Variants in FGF14 observed in about 807,000 individuals in gnomAD.
FGF14 encodes fibroblast growth factor 14.
In FGF14, 5 loss-of-function variants were observed where a neutral mutation model predicts 25.5. The observed-to-expected ratio is 0.20, with a 90% confidence interval of 0.10 to 0.41. The LOEUF (loss-of-function observed/expected upper bound fraction) is 0.41. Among genes scored for constraint, FGF14 ranks in the 10% least tolerant of loss-of-function variants. The pLI is 1.00. For missense variants in FGF14, 222 were observed against 320.1 expected, an observed-to-expected ratio of 0.69 and a Z score of 2.34; for synonymous variants, 138 against 118.3, an observed-to-expected ratio of 1.17 and a Z score of -1.08.
At chr13:102,357,746 A>G (rs1373722217) in intron 1 of FGF14, among the ~76,000 whole-genome samples, 3 of 152,184 alleles carry the variant, frequency 2.0e-5, no homozygotes, top group Non-Finnish European at 4.4e-5. Context: ...ACTTTTTGCT[A>G]GTGTTCTTGT....
intron 1 of FGF14, among the ~76,000 whole-genome samples, chr13:102,248,668 G>A (rs190895848): frequency 2.0e-5 from 3 of 152,252 alleles, no homozygotes; most frequent in Admixed American, 2.0e-4. Flanking sequence ...AGGAAATTGT[G>A]AGCCGTGTAT....
intron 1 of FGF14, among the ~76,000 whole-genome samples, chr13:102,188,244 A>G (rs769419960): frequency 6.6e-6 from 1 of 152,230 alleles, no homozygotes; most frequent in Non-Finnish European, 1.5e-5. Context: ...TTAAAAGACT[A>G]GAACACATGT....
At chr13:101,760,042 GGGTGACTCCAAT>G (rs2037917703) in intron 3 of FGF14, among the ~76,000 whole-genome samples, 1 of 152,068 alleles carries the variant, frequency 6.6e-6, no homozygotes, top group Non-Finnish European at 1.5e-5. Context: ...CAAAAAATAG[GGGTGACTCCAAT>G]GGTCTTTTCC....
At chr13:102,019,268 A>C (rs2040507640) in intron 1 of FGF14, among the ~76,000 whole-genome samples, 1 of 152,112 alleles carries the variant, frequency 6.6e-6, no homozygotes, top group Non-Finnish European at 1.5e-5. Flanking sequence ...CCTATCAGCC[A>C]GTAGGGTTTT....
At chr13:101,885,762 C>A (rs116095423) in intron 1 of FGF14, among the ~76,000 whole-genome samples, 5,967 of 150,602 alleles carry the variant, frequency 0.04, 404 homozygotes, top group African/African-American at 0.14. Context: ...CCTGGAGCTG[C>A]AAAGAAGGAC....
chr13:102,089,350 T>A (rs1451414616), intron 1 of FGF14, among the ~76,000 whole-genome samples: 1 of 152,134 alleles, frequency 6.6e-6, no homozygotes, highest in Non-Finnish European at 1.5e-5. Context: ...TTCAACCCAA[T>A]ATCTGATATT....
chr13:102,263,195 T>C, intron 1 of FGF14: 1 of 543,634 alleles, frequency 1.8e-6, no homozygotes, highest in South Asian at 1.6e-5. Flanking sequence ...AAAAGTCTTG[T>C]GAGAAGACAT....
intron 1 of FGF14, among the ~76,000 whole-genome samples, chr13:101,945,743 C>A (rs1424710724): frequency 6.6e-6 from 1 of 152,240 alleles, no homozygotes; most frequent in Admixed American, 6.5e-5. Context: ...TATTCCTGAC[C>A]TGCCAAAGCC....
intron 1 of FGF14, chr13:102,002,064 G>A (rs758274422): frequency 6.6e-6 from 1 of 152,168 alleles, no homozygotes; most frequent in Non-Finnish European, 1.5e-5. Context: ...TATAAAACCT[G>A]TGGATGCCAG....
intron 1 of FGF14, among the ~76,000 whole-genome samples, chr13:101,926,310 G>A (rs756864988): frequency 9.2e-5 from 14 of 152,202 alleles, no homozygotes; most frequent in African/African-American, 3.1e-4. Flanking sequence ...ATGAGAGTCC[G>A]GTTTCCTACC....
At chr13:102,370,230 T>A (rs547941299) in intron 1 of FGF14, among the ~76,000 whole-genome samples, 1 of 152,276 alleles carries the variant, frequency 6.6e-6, no homozygotes, top group African/African-American at 2.4e-5. Flanking sequence ...TGGCCTCAAG[T>A]GATCCCTGCC....
intron 1 of FGF14, among the ~76,000 whole-genome samples, chr13:102,297,012 A>AC (rs1489269290): frequency 6.6e-6 from 1 of 152,122 alleles, no homozygotes; most frequent in Non-Finnish European, 1.5e-5. Flanking sequence ...AACAACAACA[A>AC]AAAAAGTAAT....
At position 102,078,383 on chromosome 13, in the gene FGF14, C is replaced by G. The variant is rs192739873; in HGVS notation, c.209-203087G>C. ...ATATTTCAAAACAGCGTGATGTACACTATAAAAATATACAGTTTTATTTGT... is the reference window on the plus strand; with the variant it reads ...ATATTTCAAAACAGCGTGATGTACAGTATAAAAATATACAGTTTTATTTGT... On this transcript the variant is annotated intron_variant, in intron 1 of 4. Coordinates refer to the FGF14 transcript ENST00000376131. Among the ~76,000 whole-genome samples the G allele has an allele frequency of 2.8e-3, 429 of 152,152 alleles. 4 individuals carry two copies. Among genetic ancestry groups the G allele is most frequent in the African/African-American group, 9.4e-3 (392 of 41,494 alleles).
At chr13:101,899,545 T>A (rs1310759401) in intron 1 of FGF14, among the ~76,000 whole-genome samples, 1 of 151,756 alleles carries the variant, frequency 6.6e-6, no homozygotes, top group Admixed American at 6.6e-5. Context: ...TAATTGAAAA[T>A]AGCCACCCTA....
chr13:101,818,334 G>A (rs2041943003), intron 3 of FGF14, among the ~76,000 whole-genome samples: 1 of 152,198 alleles, frequency 6.6e-6, no homozygotes, highest in Admixed American at 6.5e-5. Context: ...TTTGCTATCA[G>A]TTTTGGCCCT....
chr13:102,313,135 C>T (rs1217750378), intron 1 of FGF14, among the ~76,000 whole-genome samples: 1 of 152,176 alleles, frequency 6.6e-6, no homozygotes, highest in East Asian at 1.9e-4. Flanking sequence ...CAAGCAAGGC[C>T]CCTCTGCAAG....
intron 1 of FGF14, among the ~76,000 whole-genome samples, chr13:102,346,108 T>C (rs2152692): frequency 0.22 from 32,947 of 152,114 alleles, 3,625 homozygotes; most frequent in African/African-American, 0.26. Context: ...ATCTTTAAAT[T>C]ATCCCAAATC....
intron 3 of FGF14, among the ~76,000 whole-genome samples, chr13:101,823,745 T>C (rs1197580136): frequency 1.3e-5 from 2 of 150,610 alleles, no homozygotes; most frequent in East Asian, 1.9e-4. Context: ...CCTATCATTA[T>C]ATATTTATAA....
intron 1 of FGF14, 98 bp downstream of exon 1, chr13:101,916,355 G>A: frequency 6.8e-7 from 1 of 1,461,274 alleles, no homozygotes; most frequent in Non-Finnish European, 9.6e-7. Context: ...GCCGGGGTGG[G>A]CCGGGAAAAC....
Sources: allele counts gnomAD v4.1 joint callset (sites outside exome capture counted in the v4.1 genomes callset), GRCh38; gene constraint gnomAD v4.1.1; transcripts MANE v1.5; gene names NCBI Gene and HGNC (gene_info 2026-07-23, HGNC 2026-07-21).